The following ELMO1 variants were observed in gnomAD, a reference collection of about 807,000 sequenced individuals.
ELMO1 encodes engulfment and cell motility 1.
In ELMO1, 26 loss-of-function variants were observed where a neutral mutation model predicts 98.9. The ratio of observed to expected loss-of-function variants is 0.26; its 90% CI spans 0.19 to 0.36. The LOEUF is 0.36. Among genes scored for constraint, ELMO1 ranks in the 10% least tolerant of loss-of-function variants. ELMO1 has a pLI of 1.00. For missense variants in ELMO1, 627 were observed against 935.2 expected, an observed-to-expected ratio of 0.67 and a Z score of 4.30; for synonymous variants, 346 against 346.0, an observed-to-expected ratio of 1.00 and a Z score of 0.00.
intron 15 of ELMO1, among the ~76,000 whole-genome samples, chr7:37,015,585 G>A (rs539765584): frequency 9.9e-5 from 15 of 152,248 alleles, no homozygotes; most frequent in African/African-American, 3.4e-4. Flanking sequence ...TGGGCGACAA[G>A]AGCGAAACTC....
intron 16 of ELMO1, among the ~76,000 whole-genome samples, chr7:37,000,440 T>A (rs1027986171): frequency 6.6e-6 from 1 of 151,954 alleles, no homozygotes. Context: ...ACCAGAAGAG[T>A]TCTGGGGAGC....
At chr7:37,321,813 T>G (rs1458380636) in intron 2 of ELMO1, among the ~76,000 whole-genome samples, 1 of 147,544 alleles carries the variant, frequency 6.8e-6, no homozygotes, top group African/African-American at 2.5e-5. Context: ...TTGATTCTTC[T>G]CCCTATAACT....
At chr7:37,307,895 T>G (rs1335900606) in intron 4 of ELMO1, among the ~76,000 whole-genome samples, 4 of 152,140 alleles carry the variant, frequency 2.6e-5, no homozygotes, top group Non-Finnish European at 5.9e-5. Context: ...GCAGATTACC[T>G]GAGGTCAGGA....
chr7:36,895,915 C>T (rs1805963139), intron 16 of ELMO1, among the ~76,000 whole-genome samples: 1 of 152,184 alleles, frequency 6.6e-6, no homozygotes, highest in Admixed American at 6.5e-5. Flanking sequence ...CCACTCAAAC[C>T]TATGAGGTAG....
intron 7 of ELMO1, among the ~76,000 whole-genome samples, chr7:37,235,762 GTC>G (rs1794427546): frequency 6.6e-6 from 1 of 152,100 alleles, no homozygotes; most frequent in African/African-American, 2.4e-5. Context: ...GTGAAACCCC[GTC>G]TCTCCTAAAA....
chr7:36,956,416 C>T (rs1333673501), intron 16 of ELMO1, among the ~76,000 whole-genome samples: 1 of 152,122 alleles, frequency 6.6e-6, no homozygotes, highest in Non-Finnish European at 1.5e-5. Context: ...ATAATTAAGT[C>T]AGAAACTTTC....
intron 17 of ELMO1, among the ~76,000 whole-genome samples, chr7:36,892,944 G>A (rs974462351): frequency 1.3e-5 from 2 of 152,188 alleles, no homozygotes; most frequent in African/African-American, 4.8e-5. Flanking sequence ...AAAGATAAGA[G>A]CATCTTATAA....
Position 37,224,989 on chromosome 7 carries a change from G to A in ELMO1, c.591C>T (p.Ile197=), listed in dbSNP as rs756310823. 6.2e-7 allele frequency: 1 copy of A among 1,614,128 alleles called. No homozygotes were observed. The highest frequency in any genetic ancestry group is 1.3e-5 in the African/African-American group (1 of 75,040). ...FVNKSAIDIS[I]LQRSLAILES... The stretch of plus-strand genomic sequence containing the variant: ...CCAAAATGGCCAAGGACCGCTGCAG[G>A]ATCGAGATGTCTATGGCTGACTTGT... The change falls in exon 9 of 22, where the codon ATC becomes ATT. Residue 197 remains isoleucine, a synonymous_variant. Transcript: ENST00000310758.
At chr7:37,261,722 C>T (rs985416638) in intron 5 of ELMO1, among the ~76,000 whole-genome samples, 2 of 152,176 alleles carry the variant, frequency 1.3e-5, no homozygotes, top group Admixed American at 6.5e-5. Flanking sequence ...CCTGTCTCAG[C>T]GTCCCAAGTA....
chr7:37,293,259 G>A (rs1243594087), intron 4 of ELMO1, among the ~76,000 whole-genome samples: 8 of 136,918 alleles, frequency 5.8e-5, no homozygotes, highest in Admixed American at 1.4e-4. Context: ...TGACAATGGC[G>A]GTTTTGTAGA....
intron 13 of ELMO1, among the ~76,000 whole-genome samples, chr7:37,167,836 G>A (rs1789830813): frequency 6.7e-6 from 1 of 150,368 alleles, no homozygotes; most frequent in Non-Finnish European, 1.5e-5. Flanking sequence ...CTCTTCTCGA[G>A]GAGTATCTTT....
intron 15 of ELMO1, among the ~76,000 whole-genome samples, chr7:37,088,954 A>T (rs1019026100): frequency 3.3e-5 from 5 of 152,240 alleles, no homozygotes; most frequent in African/African-American, 1.2e-4. Context: ...AAGATCTGAG[A>T]GCATTCCACT....
intron 5 of ELMO1, among the ~76,000 whole-genome samples, chr7:37,266,306 T>C (rs1796239050): frequency 6.6e-6 from 1 of 152,172 alleles, no homozygotes; most frequent in African/African-American, 2.4e-5. Flanking sequence ...GAATCTCCGA[T>C]AACCTGAATC....
intron 1 of ELMO1, among the ~76,000 whole-genome samples, chr7:37,388,021 A>G (rs1465698016): frequency 6.6e-6 from 1 of 151,916 alleles, no homozygotes; most frequent in Non-Finnish European, 1.5e-5. Flanking sequence ...TTTTGTAGAG[A>G]TGGGATCTCC....
At chr7:36,858,255 G>T (rs1281756785) in intron 21 of ELMO1, among the ~76,000 whole-genome samples, 4 of 152,090 alleles carry the variant, frequency 2.6e-5, no homozygotes, top group Admixed American at 2.0e-4. Context: ...ATAAAATTAG[G>T]ATATCAACCT....
intron 8 of ELMO1, among the ~76,000 whole-genome samples, chr7:37,230,610 G>A (rs1201127938): frequency 1.3e-5 from 2 of 152,134 alleles, no homozygotes; most frequent in Non-Finnish European, 2.9e-5. Flanking sequence ...AGCTAATGTT[G>A]GTGAAAGTAG....
intron 14 of ELMO1, among the ~76,000 whole-genome samples, chr7:37,116,471 A>G (rs1785597773): frequency 6.6e-6 from 1 of 152,198 alleles, no homozygotes; most frequent in Non-Finnish European, 1.5e-5. Context: ...AAACCACAAC[A>G]GTTACTGTGA....
chr7:37,374,602 T>G (rs1360667609), intron 1 of ELMO1, among the ~76,000 whole-genome samples: 1 of 151,320 alleles, frequency 6.6e-6, no homozygotes, highest in Non-Finnish European at 1.5e-5. Context: ...ATACAAAAAA[T>G]TAGCCAGGTG....
intron 16 of ELMO1, among the ~76,000 whole-genome samples, chr7:36,919,976 G>C (rs1257529995): frequency 6.6e-6 from 1 of 152,134 alleles, no homozygotes; most frequent in African/African-American, 2.4e-5. Context: ...CACCCCTTTT[G>C]ACATCAACAG....
Sources: allele counts gnomAD v4.1 joint callset (sites outside exome capture counted in the v4.1 genomes callset), GRCh38; gene constraint gnomAD v4.1.1; transcripts MANE v1.5; gene names NCBI Gene and HGNC (gene_info 2026-07-23, HGNC 2026-07-21).